Variants in TRRAP observed in about 807,000 individuals in gnomAD.
TRRAP encodes transformation/transcription domain-associated protein.
TRRAP carries 41 observed loss-of-function variants against 438.8 expected under a neutral mutation model. That is an observed-to-expected ratio of 0.09 (90% CI 0.07 to 0.12). The LOEUF (loss-of-function observed/expected upper bound fraction) is 0.12. TRRAP is among the 10% of genes least tolerant of loss of function. The pLI is 1.00. For missense variants in TRRAP, 3,122 were observed against 5,055.1 expected, an observed-to-expected ratio of 0.62 and a Z score of 11.60; for synonymous variants, 1,994 against 1,962.9, an observed-to-expected ratio of 1.02 and a Z score of -0.42.
chr7:98,930,490 A>G, intron 24 of TRRAP, 143 bp from the exon 25 acceptor site: 1 of 1,135,496 alleles, frequency 8.8e-7, no homozygotes, highest in African/African-American at 1.5e-5. Flanking sequence ...AGGCAGGAGA[A>G]TCACTTGAAC....
chr7:98,950,341 T>G, intron 38 of TRRAP, 79 bp downstream of exon 38: 1 of 1,511,462 alleles, frequency 6.6e-7, no homozygotes, highest in Non-Finnish European at 9.0e-7. Flanking sequence ...CTTTTCTTTT[T>G]TTGCTGTGTC....
intron 39 of TRRAP, 52 bp from the exon 40 acceptor site, chr7:98,953,115 C>A: frequency 6.3e-7 from 1 of 1,583,982 alleles, no homozygotes. Flanking sequence ...GACCCTCAGT[C>A]AGTAACCCAG....
intron 22 of TRRAP, among the ~76,000 whole-genome samples, chr7:98,926,395 G>C (rs1790048597): frequency 6.6e-6 from 1 of 152,068 alleles, no homozygotes; most frequent in Non-Finnish European, 1.5e-5. Context: ...AGAACAAAAA[G>C]ATGACATTCA....
At chr7:98,906,298 G>C (rs1411610874) in intron 13 of TRRAP, 43 bp downstream of exon 13, 1 of 1,521,546 alleles carries the variant, frequency 6.6e-7, no homozygotes, top group East Asian at 2.3e-5. Flanking sequence ...TAAATGCCAG[G>C]AGCATCAGTT....
At chr7:98,961,162 A>G (rs978143432) in intron 45 of TRRAP, 99 bp from the exon 46 acceptor site, 1 of 1,113,604 alleles carries the variant, frequency 9.0e-7, no homozygotes, top group Non-Finnish European at 1.3e-6. Flanking sequence ...GTCTCCAAAT[A>G]ATTAATCCAG....
At chr7:98,978,635 C>G (rs1792776224) in intron 57 of TRRAP, 134 bp from the exon 58 acceptor site, 4 of 1,285,646 alleles carry the variant, frequency 3.1e-6, no homozygotes, top group Non-Finnish European at 4.4e-6. Flanking sequence ...CCTCCATGTC[C>G]CACAGAAGTC....
intron 22 of TRRAP, among the ~76,000 whole-genome samples, chr7:98,925,675 C>T (rs540319514): frequency 1.3e-5 from 2 of 152,330 alleles, no homozygotes; most frequent in South Asian, 4.1e-4. Flanking sequence ...GTATCTTGCT[C>T]TTACCTCTTG....
At chr7:98,913,315 T>C (rs1297377006) in intron 18 of TRRAP, among the ~76,000 whole-genome samples, 8 of 152,048 alleles carry the variant, frequency 5.3e-5, no homozygotes, top group African/African-American at 1.9e-4. Context: ...TTGGGTTTTT[T>C]TTTTGAGTCT....
rs2116891146 is a variant in TRRAP, at chr7:99,013,235, A to G, written c.*880A>G. 1 of 152,310 alleles carries G rather than the reference A, an allele frequency of 6.6e-6. No homozygotes were observed. Among genetic ancestry groups the G allele is most frequent in the South Asian group, 2.1e-4 (1 of 4,824 alleles). The allele number at this position is 152,310 out of a possible 1,614,324, so 9.4% of individuals were successfully genotyped here. ...TTTTTTTTTAGAATAAATATTTTAT[A>G]AAAGGGTTTATTGTCCCTTGTTTAT... is the stretch of plus-strand genomic sequence containing the variant. On this transcript the variant is annotated 3_prime_UTR_variant, in exon 73 of 73. Coordinates refer to ENST00000456197, the MANE Select transcript of TRRAP (RefSeq NM_001375524.1).
At chr7:98,882,619 T>C (rs1356383345) in intron 3 of TRRAP, among the ~76,000 whole-genome samples, 2 of 151,816 alleles carry the variant, frequency 1.3e-5, no homozygotes, top group African/African-American at 4.8e-5. Flanking sequence ...TGCCTCAGCC[T>C]CTCAAGGTGA....
At position 98,956,988 on chromosome 7, in the gene TRRAP, G is replaced by A. The variant is rs569556101; in HGVS notation, c.6231+455G>A. Among the ~76,000 whole-genome samples, 1 of 152,096 alleles carries A rather than the reference G, an allele frequency of 6.6e-6. No individual in the cohort carries two copies. The highest frequency in any genetic ancestry group is 2.1e-4 in the South Asian group (1 of 4,814). ...GTCATGGACCTGCTGGCTTGTGGAC[G>A]CAGGCCTGGCCACCCTACTTCTGGC... On this transcript the variant is annotated intron_variant, in intron 43 of 72. Coordinates refer to ENST00000456197, the MANE Select transcript of TRRAP (RefSeq NM_001375524.1). This position sits in a 1 kb window ranked among gnomAD's most constrained non-coding sequence, Gnocchi z 4.5.
intron 56 of TRRAP, among the ~76,000 whole-genome samples, chr7:98,977,717 G>A (rs2116736251): frequency 6.6e-6 from 1 of 152,314 alleles, no homozygotes. Context: ...CCATTTCAGG[G>A]TGCAATTCCT....
rs1791230570 is a variant in TRRAP, at chr7:98,949,439, C to T, written c.4811C>T (p.Ala1604Val). 1.3e-6 allele frequency: 2 copies of T among 1,581,058 alleles called. No homozygotes were observed. Among genetic ancestry groups the T allele is most frequent in the Non-Finnish European group, 1.7e-6 (2 of 1,168,010 alleles). ...CAGAGTTTTTTAAAACACAAAGACGCCAGACCTCTGCGGGATGTGCTGGCT... is the reference window on the plus strand; with the variant it reads ...CAGAGTTTTTTAAAACACAAAGACGTCAGACCTCTGCGGGATGTGCTGGCT... ...MFMSFLKHKDARPLRDVLAAN... is the reference protein window; with the variant it reads ...MFMSFLKHKDVRPLRDVLAAN... Residue 1604 changes from alanine (A) to valine (V), a missense_variant, in exon 36 of 73, where the codon GCC becomes GTC. Physicochemically the swap from Ala to Val is moderately conservative, Grantham distance 64. Transcript: ENST00000456197.
At chr7:98,885,631 T>C (rs782395165) in intron 3 of TRRAP, among the ~76,000 whole-genome samples, 2 of 152,070 alleles carry the variant, frequency 1.3e-5, no homozygotes, top group Non-Finnish European at 1.5e-5. Flanking sequence ...TAAAGAGCTT[T>C]CTCTTCTGCT....
At chr7:98,981,406 A>AAAT (rs992056801) in intron 58 of TRRAP, among the ~76,000 whole-genome samples, 2 of 152,124 alleles carry the variant, frequency 1.3e-5, no homozygotes, top group African/African-American at 4.8e-5. Context: ...CGTCTCAAAA[A>AAAT]AATAATAATA....
intron 17 of TRRAP, 141 bp from the exon 18 acceptor site, chr7:98,911,881 T>A (rs1381907091): frequency 2.8e-6 from 2 of 716,766 alleles, no homozygotes; most frequent in African/African-American, 1.8e-5. Context: ...CCCGTTTCAT[T>A]TTTTTCCTTT....
intron 50 of TRRAP, 138 bp from the exon 51 acceptor site, chr7:98,967,347 C>A: frequency 1.6e-6 from 2 of 1,251,812 alleles, no homozygotes; most frequent in Non-Finnish European, 2.2e-6. Flanking sequence ...GCTGCATGAG[C>A]CTGCCACGAT....
intron 52 of TRRAP, among the ~76,000 whole-genome samples, chr7:98,970,856 C>T (rs1375118666): frequency 3.3e-5 from 5 of 152,150 alleles, no homozygotes; most frequent in Admixed American, 6.5e-5. Flanking sequence ...AGTCCCGGGA[C>T]GGGCAGCAGG....
At chr7:99,009,403 G>A (rs964392516) in intron 70 of TRRAP, among the ~76,000 whole-genome samples, 1 of 152,184 alleles carries the variant, frequency 6.6e-6, no homozygotes, top group Non-Finnish European at 1.5e-5. Flanking sequence ...TTGAGCCCAT[G>A]GTGTACTCTG....
Sources: gnomAD v4.1 joint callset for allele counts (sites outside exome capture counted in the v4.1 genomes callset) on GRCh38, gnomAD v4.1.1 for gene constraint, Gnocchi (gnomAD v3.1) non-coding constraint, MANE v1.5 for transcripts, NCBI Gene and HGNC (gene_info 2026-07-23, HGNC 2026-07-21) for gene names.